CTNND2: variants seen among roughly 807,000 people sequenced by gnomAD.
CTNND2 encodes the protein catenin delta 2.
A neutral mutation model predicts 144.4 loss-of-function variants in CTNND2; 22 were observed. That is an observed-to-expected ratio of 0.15 (90% confidence interval 0.11 to 0.22). CTNND2 has a LOEUF of 0.22. CTNND2 is among the 10% of genes least tolerant of loss of function. CTNND2 has a pLI of 1.00. For missense variants in CTNND2, 1,353 were observed against 1,618.8 expected (o/e 0.84, Z 2.82); for synonymous variants, 751 against 695.6 (o/e 1.08, Z -1.25).
intron 3 of CTNND2, among the ~76,000 whole-genome samples, chr5:11,474,129 CT>C (rs1187801256): frequency 6.6e-6 from 1 of 152,160 alleles, no homozygotes; most frequent in Non-Finnish European, 1.5e-5. Flanking sequence ...ACCTTCAACC[CT>C]TTTAACCACA....
chr5:11,498,318 C>T (rs1385723989), intron 3 of CTNND2, among the ~76,000 whole-genome samples: 1 of 152,026 alleles, frequency 6.6e-6, no homozygotes, highest in South Asian at 2.1e-4. Context: ...TCACCAAGTT[C>T]GACAAAACAA....
At chr5:11,665,310 T>C (rs554098614) in intron 2 of CTNND2, among the ~76,000 whole-genome samples, 7 of 152,182 alleles carry the variant, frequency 4.6e-5, no homozygotes, top group Non-Finnish European at 1.0e-4. Context: ...TCCATCCAGC[T>C]GCTTCACTGA....
intron 9 of CTNND2, among the ~76,000 whole-genome samples, chr5:11,253,389 A>T (rs1246102175): frequency 6.6e-6 from 1 of 152,210 alleles, no homozygotes; most frequent in Non-Finnish European, 1.5e-5. Flanking sequence ...TGTGGGATGG[A>T]TCTGGTGGAA....
At chr5:11,316,648 C>T (rs577388438) in intron 9 of CTNND2, among the ~76,000 whole-genome samples, 5 of 150,798 alleles carry the variant, frequency 3.3e-5, no homozygotes, top group Non-Finnish European at 7.4e-5. Flanking sequence ...CCCTTCCCCC[C>T]ACCCCACAAC....
At chr5:11,039,881 A>T (rs1229950749) in intron 16 of CTNND2, among the ~76,000 whole-genome samples, 2 of 151,982 alleles carry the variant, frequency 1.3e-5, no homozygotes, top group Non-Finnish European at 2.9e-5. Flanking sequence ...GGCCAACATG[A>T]CGAAACCCCA....
chr5:11,619,150 G>GT (rs1249492446), intron 2 of CTNND2, among the ~76,000 whole-genome samples: 1 of 152,202 alleles, frequency 6.6e-6, no homozygotes. Flanking sequence ...GCTCATGCCT[G>GT]TAACCCTAGC....
intron 16 of CTNND2, among the ~76,000 whole-genome samples, chr5:11,067,575 C>T (rs1312987184): frequency 6.6e-6 from 1 of 152,182 alleles, no homozygotes; most frequent in African/African-American, 2.4e-5. Flanking sequence ...GCAGCACCTC[C>T]AACCCTGTGG....
intron 2 of CTNND2, among the ~76,000 whole-genome samples, chr5:11,663,068 T>C (rs1284916610): frequency 6.6e-6 from 1 of 152,206 alleles, no homozygotes; most frequent in Non-Finnish European, 1.5e-5. Flanking sequence ...TTAAGATTTT[T>C]GTTTTAAGAA....
intron 5 of CTNND2, among the ~76,000 whole-genome samples, chr5:11,410,048 G>A (rs571250814): frequency 9.9e-5 from 15 of 151,832 alleles, no homozygotes; most frequent in Admixed American, 2.6e-4. Context: ...TCATCTCCCC[G>A]TTTCCCAACA....
At chr5:11,653,825 G>A (rs1782776008) in intron 2 of CTNND2, among the ~76,000 whole-genome samples, 1 of 151,550 alleles carries the variant, frequency 6.6e-6, no homozygotes, top group African/African-American at 2.4e-5. Context: ...CAAGATCAAT[G>A]TTAAGGAGCT....
chr5:11,304,318 C>CCACACACA (rs111918321), intron 9 of CTNND2, among the ~76,000 whole-genome samples: 72 of 148,396 alleles, frequency 4.9e-4, no homozygotes, highest in South Asian at 1.1e-3. Flanking sequence ...CACGGACACA[C>CCACACACA]CACACACACA....
chr5:11,777,849 A>G (rs1043257696), intron 1 of CTNND2, among the ~76,000 whole-genome samples: 12 of 152,140 alleles, frequency 7.9e-5, no homozygotes, highest in Non-Finnish European at 1.5e-5. Context: ...TAGCTCTCCC[A>G]GGTGATTTTG....
At chr5:11,643,914 A>G (rs1782206593) in intron 2 of CTNND2, among the ~76,000 whole-genome samples, 1 of 152,166 alleles carries the variant, frequency 6.6e-6, no homozygotes, top group African/African-American at 2.4e-5. Flanking sequence ...AGTCATTACT[A>G]TTATTCATTT....
intron 17 of CTNND2, among the ~76,000 whole-genome samples, chr5:11,019,527 G>A (rs529151642): frequency 4.6e-5 from 7 of 152,266 alleles, no homozygotes; most frequent in South Asian, 4.1e-4. Flanking sequence ...AATGTGTAAC[G>A]AACAGCAGGT....
intron 1 of CTNND2, among the ~76,000 whole-genome samples, chr5:11,769,614 A>C (rs1789802873): frequency 1.3e-5 from 2 of 152,200 alleles, no homozygotes; most frequent in South Asian, 4.1e-4. Flanking sequence ...CACTTAATTC[A>C]CTAGAAACTG....
At chr5:11,794,256 T>C (rs150651967) in intron 1 of CTNND2, among the ~76,000 whole-genome samples, 288 of 152,360 alleles carry the variant, frequency 1.9e-3, no homozygotes, top group African/African-American at 6.4e-3. Context: ...CTAAGCACCA[T>C]CTACTGTCCC....
chr5:11,069,534 T>C (rs572676519), intron 16 of CTNND2, among the ~76,000 whole-genome samples: 18 of 152,070 alleles, frequency 1.2e-4, no homozygotes, highest in South Asian at 2.1e-4. Context: ...ATGGTACATA[T>C]TGAGGATGGA....
intron 9 of CTNND2, among the ~76,000 whole-genome samples, chr5:11,337,548 G>A (rs1002859467): frequency 6.6e-6 from 1 of 152,088 alleles, no homozygotes; most frequent in African/African-American, 2.4e-5. Context: ...AAATCCCATA[G>A]ATAACACATG....
intron 12 of CTNND2, among the ~76,000 whole-genome samples, chr5:11,150,291 A>G (rs1757624477): frequency 6.6e-6 from 1 of 152,152 alleles, no homozygotes; most frequent in South Asian, 2.1e-4. Context: ...AGTGATTGTC[A>G]AACATCCCTG....
Sources: allele counts gnomAD v4.1 joint callset (sites outside exome capture counted in the v4.1 genomes callset), GRCh38; gene constraint gnomAD v4.1.1; transcripts MANE v1.5; gene names NCBI Gene and HGNC (gene_info 2026-07-23, HGNC 2026-07-21).